The following NCAM2 variants were observed in gnomAD, a reference collection of about 807,000 sequenced individuals.
The protein encoded by NCAM2 is N-CAM-2.
In NCAM2, 30 loss-of-function variants were observed where a neutral mutation model predicts 98.1. The ratio of observed to expected loss-of-function variants is 0.31; its 90% CI spans 0.23 to 0.41. The LOEUF is 0.41. NCAM2 is among the 10% of genes least tolerant of loss of function. The pLI is 1.00. For synonymous variants in NCAM2, 368 were observed against 342.4 expected, an observed-to-expected ratio of 1.07 and a Z score of -0.83; for missense variants, 867 against 1,005.8, an observed-to-expected ratio of 0.86 and a Z score of 1.87.
At chr21:21,464,264 G>A (rs566962402) in intron 12 of NCAM2, among the ~76,000 whole-genome samples, 5 of 151,934 alleles carry the variant, frequency 3.3e-5, no homozygotes, top group African/African-American at 7.2e-5. Context: ...ATAAAAGGGC[G>A]TTTATTCTTC....
At chr21:21,043,568 T>C (rs1198949414) in intron 1 of NCAM2, among the ~76,000 whole-genome samples, 1 of 152,006 alleles carries the variant, frequency 6.6e-6, no homozygotes, top group East Asian at 1.9e-4. Context: ...GTAATTTTTA[T>C]TTTTGTTAGA....
chr21:21,362,790 A>G (rs551887498), intron 8 of NCAM2, among the ~76,000 whole-genome samples: 388 of 152,310 alleles, frequency 2.5e-3, no homozygotes, highest in African/African-American at 9.0e-3. Context: ...TCTATATGAT[A>G]GACTATTGAT....
intron 6 of NCAM2, among the ~76,000 whole-genome samples, chr21:21,329,468 A>G (rs1157930445): frequency 6.6e-6 from 1 of 152,194 alleles, no homozygotes; most frequent in African/African-American, 2.4e-5. Flanking sequence ...TATGATGTAA[A>G]CAGAGCTACA....
chr21:21,066,972 A>G (rs990785786), intron 1 of NCAM2, among the ~76,000 whole-genome samples: 1 of 152,014 alleles, frequency 6.6e-6, no homozygotes, highest in Non-Finnish European at 1.5e-5. Flanking sequence ...CCTTAATGTT[A>G]ACTAAATGTT....
At chr21:21,112,752 A>T (rs1332080536) in intron 1 of NCAM2, among the ~76,000 whole-genome samples, 1 of 152,194 alleles carries the variant, frequency 6.6e-6, no homozygotes, top group Non-Finnish European at 1.5e-5. Flanking sequence ...AATGCCCCAT[A>T]GCAGATTATT....
At chr21:21,090,840 C>G (rs899715603) in intron 1 of NCAM2, among the ~76,000 whole-genome samples, 1 of 152,174 alleles carries the variant, frequency 6.6e-6, no homozygotes, top group East Asian at 1.9e-4. Context: ...GGCTTGCTGT[C>G]TTACCTATCC....
At chr21:21,361,365 A>G (rs528979804) in intron 8 of NCAM2, among the ~76,000 whole-genome samples, 1 of 152,234 alleles carries the variant, frequency 6.6e-6, no homozygotes, top group South Asian at 2.1e-4. Flanking sequence ...CAAGCTTACC[A>G]ATAACCTTCA....
At chr21:21,137,329 A>T (rs913070718) in intron 1 of NCAM2, among the ~76,000 whole-genome samples, 9 of 152,244 alleles carry the variant, frequency 5.9e-5, no homozygotes, top group African/African-American at 2.2e-4. Flanking sequence ...AACTTTTCCA[A>T]GAAGTATGTA....
intron 9 of NCAM2, among the ~76,000 whole-genome samples, chr21:21,374,593 A>C (rs1410101129): frequency 6.6e-6 from 1 of 151,868 alleles, no homozygotes; most frequent in Non-Finnish European, 1.5e-5. Flanking sequence ...GGGAGGGCTA[A>C]TGTAAGTCAA....
chr21:21,124,813 A>T (rs2066752919), intron 1 of NCAM2, among the ~76,000 whole-genome samples: 1 of 152,188 alleles, frequency 6.6e-6, no homozygotes, highest in South Asian at 2.1e-4. Flanking sequence ...AAGAGTCTCA[A>T]TGAGACATGT....
At chr21:21,090,723 T>G (rs1275814665) in intron 1 of NCAM2, among the ~76,000 whole-genome samples, 1 of 152,148 alleles carries the variant, frequency 6.6e-6, no homozygotes, top group Non-Finnish European at 1.5e-5. Context: ...AGCACCTCAC[T>G]TAGTTGTTCT....
intron 9 of NCAM2, among the ~76,000 whole-genome samples, chr21:21,394,469 C>G (rs1355369970): frequency 1.7e-5 from 1 of 57,632 alleles, no homozygotes; most frequent in Non-Finnish European, 3.0e-5. Context: ...AAGGGGCCAG[C>G]TTTTTTTTTT....
chr21:21,286,380 A>G lies in NCAM2; in HGVS notation c.449A>G (p.Tyr150Cys). The G allele has an allele frequency of 6.2e-7, 1 of 1,612,406 alleles. No homozygotes were observed. Among genetic ancestry groups the G allele is most frequent in the Non-Finnish European group, 8.5e-7 (1 of 1,178,914 alleles). ...CCTGCACCTGCTGTCAGCTGGTTGT[A>G]TCATAATGAGGAAGTCACCACTATT... ...SSPAPAVSWLYHNEEVTTISD... is the reference protein window; with the variant it reads ...SSPAPAVSWLCHNEEVTTISD... Residue 150 changes from tyrosine (Y) to cysteine (C), a missense_variant, in exon 4 of 18, where the codon TAT becomes TGT. By Grantham distance (194) the Tyr-to-Cys change is radical (BLOSUM62 -2). Around this residue, in one of 5 missense-constraint regions of NCAM2, gnomAD observed 447 missense variants for 495.7 expected, o/e 0.90. Transcript: ENST00000400546.
chr21:21,309,010 C>A (rs1288970811), intron 5 of NCAM2, among the ~76,000 whole-genome samples: 3 of 152,036 alleles, frequency 2.0e-5, no homozygotes, highest in Non-Finnish European at 4.4e-5. Flanking sequence ...AATACCTACC[C>A]CAGAACTGAA....
At chr21:21,472,852 A>G (rs1984622802) in intron 14 of NCAM2, among the ~76,000 whole-genome samples, 1 of 151,852 alleles carries the variant, frequency 6.6e-6, no homozygotes, top group Non-Finnish European at 1.5e-5. Flanking sequence ...GCATCAGCAC[A>G]TGGAACAAAG....
intron 11 of NCAM2, among the ~76,000 whole-genome samples, chr21:21,429,430 T>G (rs1027807957): frequency 6.6e-6 from 1 of 152,198 alleles, no homozygotes; most frequent in African/African-American, 2.4e-5. Flanking sequence ...ACCTTCACTT[T>G]TGACACATGT....
chr21:21,262,064 G>T (rs1568849651), intron 1 of NCAM2, among the ~76,000 whole-genome samples: 1 of 152,050 alleles, frequency 6.6e-6, no homozygotes, highest in Non-Finnish European at 1.5e-5. Context: ...AATACTCAAA[G>T]ACCACTATGA....
At chr21:21,166,601 A>T (rs2067960099) in intron 1 of NCAM2, among the ~76,000 whole-genome samples, 2 of 152,130 alleles carry the variant, frequency 1.3e-5, no homozygotes, top group Admixed American at 1.3e-4. Context: ...CCAGAACAAT[A>T]AGAGTCAGGA....
intron 1 of NCAM2, among the ~76,000 whole-genome samples, chr21:21,076,137 G>C (rs930219898): frequency 6.6e-6 from 1 of 150,480 alleles, no homozygotes; most frequent in Admixed American, 6.6e-5. Context: ...AAAAGAATAT[G>C]ACCATAAAAA....
Sources: gnomAD v4.1 joint callset for allele counts (sites outside exome capture counted in the v4.1 genomes callset) on GRCh38, gnomAD v4.1.1 for gene constraint, gnomAD v4.1.1 regional missense constraint, MANE v1.5 for transcripts, NCBI Gene and HGNC (gene_info 2026-07-23, HGNC 2026-07-21) for gene names.